The following CP variants were observed in gnomAD, a reference collection of about 807,000 sequenced individuals.
The protein encoded by CP is ceruloplasmin.
In CP, 64 loss-of-function variants were observed where a neutral mutation model predicts 122.4. The ratio of observed to expected loss-of-function variants is 0.52; its 90% confidence interval spans 0.43 to 0.64. The LOEUF (loss-of-function observed/expected upper bound fraction) is 0.64, where lower values mean the gene tolerates loss of function less well. Among genes scored for constraint, CP ranks in the 30% least tolerant of loss-of-function variants. The pLI, the probability that CP is intolerant of heterozygous loss-of-function variation, is 0.00. For synonymous variants in CP, 440 were observed against 436.4 expected (o/e 1.01, Z -0.10); for missense variants, 1,167 against 1,284.4 (o/e 0.91, Z 1.40).
chr3:149,172,318 T>TCTCTCACA (rs72453449), downstream of CP: 1,056 of 571,870 alleles, frequency 1.8e-3, 2 homozygotes, highest in Non-Finnish European at 2.8e-3. Flanking sequence ...ATTTTATATA[T>TCTCTCACA]CACACACACA....
In CP at chr3:149,176,317, G is replaced by A; in HGVS notation, c.3114C>T (p.Leu1038=). ...MFPRTPGIWL[L]HCHVTDHIHA... ...GAATGTGGTCGGTCACATGGCAGTG[G>A]AGTAACCAAATTCCAGGTGTTCTTG... Residue 1038 remains leucine (L), a synonymous_variant, in exon 18 of 19, where the codon CTC becomes CTT. Transcript: ENST00000264613. 1 of 1,613,458 alleles carries A rather than the reference G, an allele frequency of 6.2e-7. No individual in the cohort carries two copies. Among genetic ancestry groups the A allele is most frequent in the Non-Finnish European group, 8.5e-7 (1 of 1,179,660 alleles).
At chr3:149,188,339 G>T (rs1418676334) in intron 9 of CP, 137 bp from the exon 10 acceptor site, 4 of 707,572 alleles carry the variant, frequency 5.7e-6, no homozygotes, top group Non-Finnish European at 9.2e-6. Flanking sequence ...TGTAAACTAG[G>T]GTTCCTGAAA....
intron 6 of CP, among the ~76,000 whole-genome samples, chr3:149,202,495 G>A (rs569161488): frequency 6.6e-6 from 1 of 151,942 alleles, no homozygotes; most frequent in Non-Finnish European, 1.5e-5. Context: ...ATTTTCAGAA[G>A]GGCCCCTTCA....
chr3:149,205,688 G>A (rs1727662272), intron 6 of CP, among the ~76,000 whole-genome samples: 1 of 152,044 alleles, frequency 6.6e-6, no homozygotes, highest in Non-Finnish European at 1.5e-5. Context: ...GCCTAGAATA[G>A]GAAAACTCAT....
chr3:149,167,454 C>T (rs944549616), intron 4 of CP, among the ~76,000 whole-genome samples: 6 of 152,276 alleles, frequency 3.9e-5, no homozygotes, highest in Middle Eastern at 3.4e-3. Context: ...CATCATTAAA[C>T]ATCTTTTGTT....
rs751879272 is a variant in CP, at chr3:149,221,782, A to G, written c.11T>C (p.Leu4Ser). Residue 4 changes from leucine (L) to serine (S), a missense_variant, in exon 1 of 19, where the codon TTG (leucine) becomes TCG (serine). Leu to Ser is a moderately radical substitution (Grantham distance 145). Coordinates refer to ENST00000264613, the MANE Select transcript of CP (RefSeq NM_000096.4). MKI[L>S]ILGIFLFLCS... The stretch of plus-strand genomic sequence containing the variant: ...TAAAAACAGAAAAATACCAAGTATC[A>G]AAATCTTCATTTTTTTCCCCTTCTT... 6.2e-7 allele frequency: 1 copy of G among 1,613,848 alleles called. No homozygotes were observed. Among genetic ancestry groups the G allele is most frequent in the South Asian group, 1.1e-5 (1 of 91,050 alleles).
chr3:149,214,431 T>A (rs1169593660), intron 1 of CP, among the ~76,000 whole-genome samples: 1 of 152,144 alleles, frequency 6.6e-6, no homozygotes, highest in Non-Finnish European at 1.5e-5. Context: ...AATACCAATT[T>A]TCCTGAATTG....
intron 9 of CP, among the ~76,000 whole-genome samples, chr3:149,195,294 T>G (rs1726827301): frequency 6.6e-6 from 1 of 152,238 alleles, no homozygotes; most frequent in South Asian, 2.1e-4. Context: ...TATAAGCATT[T>G]AGCTTTTGTC....
intron 9 of CP, among the ~76,000 whole-genome samples, chr3:149,192,418 A>C (rs1265269335): frequency 1.3e-5 from 2 of 152,048 alleles, no homozygotes; most frequent in Non-Finnish European, 2.9e-5. Flanking sequence ...CATTTTTAAG[A>C]TACTGACTAA....
chr3:149,208,015 T>C (rs1183334018), intron 4 of CP, among the ~76,000 whole-genome samples: 1 of 152,124 alleles, frequency 6.6e-6, no homozygotes, highest in Non-Finnish European at 1.5e-5. Context: ...ATCATGTTGG[T>C]AGTATGGATG....
At chr3:149,215,408 G>T (rs909786870) in intron 1 of CP, among the ~76,000 whole-genome samples, 1 of 152,044 alleles carries the variant, frequency 6.6e-6, no homozygotes, top group Non-Finnish European at 1.5e-5. Flanking sequence ...TTTTTGGGGG[G>T]GTTAAAATTG....
Position 149,173,990 on chromosome 3 carries a change from A to G in CP, c.3182-260T>C, listed in dbSNP as rs947864745. ...ACAATGGAGACACCTGGCAGACACC[A>G]TCTTAACCAAAGCTTGAAGTTAACA... On this transcript the variant is annotated intron_variant, in intron 18 of 18. Transcript: ENST00000264613. 5.9e-5 allele frequency among the ~76,000 whole-genome samples: 9 copies of G among 152,314 alleles called. No homozygotes were observed. In the East Asian group the frequency reaches 1.7e-3, roughly 29 times the overall value.
Position 149,178,529 on chromosome 3 carries a change from C to T in CP, c.2764G>A (p.Val922Ile), listed in dbSNP as rs1725564785. 5.6e-6 allele frequency: 9 copies of T among 1,612,946 alleles called. No individual in the cohort carries two copies. In the East Asian group the frequency reaches 2.0e-4, roughly 36 times the overall value. Residue 922 changes from valine (V) to isoleucine (I), a missense_variant, in exon 16 of 19, where the codon GTT (valine) becomes ATT (isoleucine). This residue lies in a region of CP where 525 missense variants were observed against 657.2 expected (regional missense o/e 0.80). Transcript: ENST00000264613. ...RKLEFALLFL[V>I]FDENESWYLD... Reference sequence around the variant, plus strand: ...TACCAAGATTCATTCTCATCAAAAACTAGAAACAGAAGGGCAAATTCCAGT... The same window carrying T: ...TACCAAGATTCATTCTCATCAAAAATTAGAAACAGAAGGGCAAATTCCAGT...
At position 149,178,535 on chromosome 3, in the gene CP, A is replaced by G. The variant is rs754403684; in HGVS notation, c.2758T>C (p.Phe920Leu). ...PRRKLEFALL[F>L]LVFDENESWY... Reference sequence around the variant, plus strand: ...GATTCATTCTCATCAAAAACTAGAAACAGAAGGGCAAATTCCAGTTTCCTT... The same window carrying G: ...GATTCATTCTCATCAAAAACTAGAAGCAGAAGGGCAAATTCCAGTTTCCTT... The change falls in exon 16 of 19, where the codon TTT becomes CTT. Residue 920 changes from phenylalanine (F) to leucine (L), a missense_variant. Physicochemically the swap from Phe to Leu is conservative, Grantham distance 22. Around this residue, in one of 2 missense-constraint regions of CP, gnomAD observed 525 missense variants for 657.2 expected, o/e 0.80. Transcript: ENST00000264613. 10 of 1,613,256 alleles carry G rather than the reference A, an allele frequency of 6.2e-6. No individual in the cohort carries two copies. The South Asian group carries it at 8.8e-5, about 14-fold the overall frequency.
intron 15 of CP, among the ~76,000 whole-genome samples, chr3:149,178,910 C>T (rs894136187): frequency 1.3e-5 from 2 of 152,076 alleles, no homozygotes; most frequent in East Asian, 3.9e-4. Context: ...TAAAAGAATC[C>T]CAAATGAACA....
chr3:149,186,174 G>T (rs1489815970), intron 11 of CP: 3 of 354,874 alleles, frequency 8.5e-6, no homozygotes, highest in African/African-American at 6.3e-5. Flanking sequence ...ATGATGAAAA[G>T]TTTAGGTGCA....
rs1257682995 is a variant in CP, at chr3:149,183,537, C to T, written c.2354G>A (p.Arg785Gln). The T allele has an allele frequency of 6.8e-6, 11 of 1,610,376 alleles. No individual in the cohort carries two copies. The highest frequency in any genetic ancestry group is 3.9e-4 in the Middle Eastern group (2 of 5,142). Reference protein sequence around the residue: ...IGSKYKKVVYRQYTDSTFRVP... With the variant: ...IGSKYKKVVYQQYTDSTFRVP... ...ACGGAATGTGCTATCAGTATACTGC[C>T]GATACACAACTTTCTTGTACTTTGA... The change falls in exon 13 of 19, where the codon CGG becomes CAG. Residue 785 changes from arginine to glutamine, a missense_variant. Around this residue, in one of 2 missense-constraint regions of CP, gnomAD observed 525 missense variants for 657.2 expected, o/e 0.80. Coordinates refer to ENST00000264613, the MANE Select transcript of CP (RefSeq NM_000096.4).
At chr3:149,198,927 G>A (rs112445665) in intron 8 of CP, among the ~76,000 whole-genome samples, 4 of 152,140 alleles carry the variant, frequency 2.6e-5, no homozygotes, top group African/African-American at 4.8e-5. Context: ...GAACAATGCC[G>A]GCAATACAGT....
At chr3:149,170,218 C>T (rs1724838220), downstream of CP, among the ~76,000 whole-genome samples, 1 of 152,150 alleles carries the variant, frequency 6.6e-6, no homozygotes, top group Non-Finnish European at 1.5e-5. Context: ...ATTAGCCCCT[C>T]CTTATTTGGG....
Sources: gnomAD v4.1 joint callset for allele counts (sites outside exome capture counted in the v4.1 genomes callset) on GRCh38, gnomAD v4.1.1 for gene constraint, gnomAD v4.1.1 regional missense constraint, MANE v1.5 for transcripts, NCBI Gene and HGNC (gene_info 2026-07-23, HGNC 2026-07-21) for gene names.